The following VDAC1 variants were observed in gnomAD, a reference collection of about 807,000 sequenced individuals.
VDAC1 encodes non-selective voltage-gated ion channel VDAC1.
VDAC1 carries 10 observed loss-of-function variants against 34.7 expected under a neutral mutation model. The ratio of observed to expected loss-of-function variants is 0.29; its 90% CI spans 0.18 to 0.49. The LOEUF is 0.49. Ranked by LOEUF, VDAC1 falls within the 20% of genes least tolerant of loss-of-function variation. VDAC1 has a pLI of 0.99. For synonymous variants in VDAC1, 130 were observed against 136.0 expected (o/e 0.96, Z 0.30); for missense variants, 230 against 347.9 (o/e 0.66, Z 2.69).
chr5:133,989,354 TACC>T (rs1753017543), intron 5 of VDAC1: 1 of 149,058 alleles, frequency 6.7e-6, no homozygotes, highest in Non-Finnish European at 1.5e-5. Flanking sequence ...ATGTATATCT[TACC>T]ACAATTTTTT....
chr5:134,056,236 C>A, the VDAC1 span, among the ~76,000 whole-genome samples: 5 of 70,172 alleles, frequency 7.1e-5, no homozygotes, highest in South Asian at 5.1e-4. Flanking sequence ...AGTGAAACTC[C>A]GTCTCAAAAA....
the VDAC1 span, among the ~76,000 whole-genome samples, chr5:134,010,910 C>A: frequency 6.6e-6 from 1 of 151,846 alleles, no homozygotes; most frequent in African/African-American, 2.4e-5. Context: ...ACCATCACCA[C>A]CGTAAAGCAT....
chr5:133,998,905 C>T (rs1441730102), intron 1 of VDAC1, among the ~76,000 whole-genome samples: 1 of 152,210 alleles, frequency 6.6e-6, no homozygotes, highest in Non-Finnish European at 1.5e-5. Flanking sequence ...GGCAGGGCTG[C>T]CCCCAGGTGC....
At chr5:133,986,435 C>T (rs1436232018) in intron 5 of VDAC1, among the ~76,000 whole-genome samples, 1 of 151,824 alleles carries the variant, frequency 6.6e-6, no homozygotes, top group Non-Finnish European at 1.5e-5. Flanking sequence ...CTTGCTCTGT[C>T]GCCCACATTG....
the VDAC1 span, among the ~76,000 whole-genome samples, chr5:134,012,115 G>C: frequency 7.2e-5 from 11 of 152,152 alleles, no homozygotes; most frequent in African/African-American, 2.7e-4. Flanking sequence ...CGCTAGCTCT[G>C]AAGATGTAAG....
chr5:134,078,099 A>C, the VDAC1 span, among the ~76,000 whole-genome samples: 31 of 152,236 alleles, frequency 2.0e-4, no homozygotes, highest in Non-Finnish European at 4.4e-5. Flanking sequence ...AGAGGTGGCC[A>C]TCTAGCACAC....
chr5:134,097,696 G>T, the VDAC1 span, among the ~76,000 whole-genome samples: 1 of 152,164 alleles, frequency 6.6e-6, no homozygotes, highest in African/African-American at 2.4e-5. Context: ...TCCTCTGGAC[G>T]TGGCGGGGAG....
chr5:134,052,728 G>A, the VDAC1 span, among the ~76,000 whole-genome samples: 1 of 152,194 alleles, frequency 6.6e-6, no homozygotes. Context: ...CCATGGGCCA[G>A]GCGCTGTGCT....
chr5:134,043,520 ACTTTT>A, the VDAC1 span, among the ~76,000 whole-genome samples: 2 of 148,622 alleles, frequency 1.3e-5, no homozygotes, highest in Admixed American at 1.4e-4. Flanking sequence ...GGCTGGGTAG[ACTTTT>A]CTTTTTTCTT....
chr5:134,105,707 C>G, the VDAC1 span, among the ~76,000 whole-genome samples: 2 of 152,244 alleles, frequency 1.3e-5, no homozygotes, highest in Admixed American at 1.3e-4. Context: ...AGGGAAGCTG[C>G]ATGGGGACCC....
intron 1 of VDAC1, among the ~76,000 whole-genome samples, chr5:134,001,270 G>C (rs746074686): frequency 1.6e-4 from 25 of 152,170 alleles, no homozygotes; most frequent in Non-Finnish European, 2.6e-4. Flanking sequence ...CTGTGCTCGA[G>C]TCTGCTGACC....
At chr5:134,067,201 G>A in the VDAC1 span, among the ~76,000 whole-genome samples, 21 of 150,670 alleles carry the variant, frequency 1.4e-4, no homozygotes, top group Non-Finnish European at 5.9e-5. Flanking sequence ...TCAGCCTCCC[G>A]AGGAGCTGGG....
intron 7 of VDAC1, among the ~76,000 whole-genome samples, chr5:133,974,861 T>C (rs965871696): frequency 6.6e-6 from 1 of 151,690 alleles, no homozygotes; most frequent in African/African-American, 2.4e-5. Context: ...GGTGAGGCAG[T>C]AGAATCACTT....
the VDAC1 span, among the ~76,000 whole-genome samples, chr5:134,088,435 G>C: frequency 6.6e-6 from 1 of 152,232 alleles, no homozygotes; most frequent in Non-Finnish European, 1.5e-5. Context: ...CCTGAGCCAG[G>C]CTGGGAGAGA....
the VDAC1 span, among the ~76,000 whole-genome samples, chr5:134,106,272 A>C: frequency 1.3e-5 from 2 of 152,250 alleles, no homozygotes; most frequent in Admixed American, 1.3e-4. Context: ...AGCCCCTTGC[A>C]TAATACTAGG....
chr5:134,100,235 T>C, the VDAC1 span, among the ~76,000 whole-genome samples: 1 of 152,230 alleles, frequency 6.6e-6, no homozygotes, highest in Admixed American at 6.5e-5. Flanking sequence ...CAGTCAGGGC[T>C]CTCCCTGAAA....
intron 5 of VDAC1, among the ~76,000 whole-genome samples, chr5:133,984,419 CGTGTGTGTGTGTGTGTGTGTGTGT>C (rs70976506): frequency 9.8e-5 from 12 of 121,938 alleles, no homozygotes; most frequent in Admixed American, 2.6e-4. Context: ...CAATGACCAG[CGTGTGTGTGTGTGTGTGTGTGTGT>C]GTGTGTGTGT....
chr5:133,976,274 GAT>G, intron 6 of VDAC1: 2 of 390,664 alleles, frequency 5.1e-6, no homozygotes, highest in South Asian at 3.1e-5. Context: ...GGGAGGCCGA[GAT>G]GGGCAGATCA....
the VDAC1 span, among the ~76,000 whole-genome samples, chr5:134,047,168 T>G: frequency 6.6e-6 from 1 of 152,082 alleles, no homozygotes; most frequent in African/African-American, 2.4e-5. Flanking sequence ...CCCCAGTGAA[T>G]GAAGCCTTTG....
Sources: gnomAD v4.1 joint callset for allele counts (sites outside exome capture counted in the v4.1 genomes callset) on GRCh38, gnomAD v4.1.1 for gene constraint, MANE v1.5 for transcripts, NCBI Gene and HGNC (gene_info 2026-07-23, HGNC 2026-07-21) for gene names.